BTBD9: variants seen among roughly 807,000 people sequenced by gnomAD.
BTBD9 encodes BTB/POZ domain-containing protein 9.
BTBD9 carries 49 observed loss-of-function variants against 64.3 expected under a neutral mutation model. The observed-to-expected ratio is 0.76, with a 90% CI of 0.61 to 0.97. The LOEUF (loss-of-function observed/expected upper bound fraction) is 0.97. Ranked by LOEUF, BTBD9 falls within the 50% of genes least tolerant of loss-of-function variation. BTBD9 has a pLI of 0.00. For synonymous variants in BTBD9, 260 were observed against 274.7 expected, an observed-to-expected ratio of 0.95 and a Z score of 0.53; for missense variants, 598 against 762.1, an observed-to-expected ratio of 0.78 and a Z score of 2.53.
chr6:38,594,060 G>C lies in BTBD9; in HGVS notation c.453C>G (p.Leu151=). Residue 151 remains leucine (L), a synonymous_variant, in exon 3 of 11, where the codon CTC becomes CTG. Coordinates refer to ENST00000481247, the MANE Select transcript of BTBD9 (RefSeq NM_001099272.2). ...TACAAGTTAACTTGGGAAGTGAGTA[G>C]AGACTGGCAACATCAAAAGTCATGC... ...NVCMTFDVAS[L]YSLPKLTCMC... 2 of 1,614,134 alleles carry C rather than the reference G, an allele frequency of 1.2e-6. No homozygotes were observed. The highest frequency in any genetic ancestry group is 1.7e-6 in the Non-Finnish European group (2 of 1,180,018).
intron 6 of BTBD9, among the ~76,000 whole-genome samples, chr6:38,438,926 G>A (rs1172398068): frequency 6.6e-6 from 1 of 152,092 alleles, no homozygotes. Context: ...GAAGATATCT[G>A]AAGAAAAAAG....
chr6:38,384,205 C>A (rs9394494), intron 6 of BTBD9, among the ~76,000 whole-genome samples: 1 of 151,772 alleles, frequency 6.6e-6, no homozygotes, highest in Non-Finnish European at 1.5e-5. Flanking sequence ...ATTCTTTCTG[C>A]GAAGTATCTT....
chr6:38,345,373 C>T (rs1288130114), intron 6 of BTBD9, among the ~76,000 whole-genome samples: 1 of 152,240 alleles, frequency 6.6e-6, no homozygotes, highest in Non-Finnish European at 1.5e-5. Context: ...CTGTTCAGTT[C>T]AACCCTTGAA....
chr6:38,533,098 G>T (rs929911456), intron 6 of BTBD9, among the ~76,000 whole-genome samples: 1 of 151,510 alleles, frequency 6.6e-6, no homozygotes, highest in Non-Finnish European at 1.5e-5. Context: ...GACAAAGAAT[G>T]GTTGAATGGA....
At chr6:38,176,134 G>A (rs1761233918) in intron 10 of BTBD9, among the ~76,000 whole-genome samples, 1 of 152,190 alleles carries the variant, frequency 6.6e-6, no homozygotes, top group African/African-American at 2.4e-5. Flanking sequence ...GTCCTGACAT[G>A]CATGTGTGAG....
intron 6 of BTBD9, among the ~76,000 whole-genome samples, chr6:38,527,959 AAG>A (rs1235622508): frequency 6.6e-6 from 1 of 152,104 alleles, no homozygotes; most frequent in Non-Finnish European, 1.5e-5. Context: ...CATAAGAATG[AAG>A]AGTCAGGTAA....
intron 6 of BTBD9, among the ~76,000 whole-genome samples, chr6:38,360,131 T>C (rs1450355445): frequency 6.6e-6 from 1 of 152,176 alleles, no homozygotes; most frequent in Non-Finnish European, 1.5e-5. Flanking sequence ...AAGTGTGAAA[T>C]ACTAATTTGG....
intron 9 of BTBD9, among the ~76,000 whole-genome samples, chr6:38,209,812 G>A (rs754718944): frequency 6.6e-6 from 1 of 152,204 alleles, no homozygotes; most frequent in Non-Finnish European, 1.5e-5. Flanking sequence ...ATCTAGGTAG[G>A]TGAGCATTTG....
At chr6:38,266,214 T>A (rs1244690621) in intron 8 of BTBD9, among the ~76,000 whole-genome samples, 4 of 152,254 alleles carry the variant, frequency 2.6e-5, no homozygotes, top group Non-Finnish European at 5.9e-5. Flanking sequence ...CTCTTTTTTT[T>A]CTTTTAACAA....
chr6:38,495,126 TATA>T (rs1257231941), intron 6 of BTBD9, among the ~76,000 whole-genome samples: 1 of 152,228 alleles, frequency 6.6e-6, no homozygotes, highest in South Asian at 2.1e-4. Context: ...AGCAACTCTA[TATA>T]ATGTCAAGAA....
chr6:38,380,759 C>G (rs1218660062), intron 6 of BTBD9, among the ~76,000 whole-genome samples: 1 of 152,070 alleles, frequency 6.6e-6, no homozygotes, highest in East Asian at 1.9e-4. Flanking sequence ...GTGGGAGGAT[C>G]CCTTGAGCAT....
At chr6:38,380,091 C>T (rs1765868992) in intron 6 of BTBD9, among the ~76,000 whole-genome samples, 1 of 151,930 alleles carries the variant, frequency 6.6e-6, no homozygotes, top group Admixed American at 6.6e-5. Context: ...ACTATATGCT[C>T]TTTAGTACTA....
At chr6:38,175,263 T>G in intron 10 of BTBD9, 81 bp from the exon 11 acceptor site, 1 of 1,457,504 alleles carries the variant, frequency 6.9e-7, no homozygotes, top group Non-Finnish European at 9.5e-7. Context: ...GATACTGCCC[T>G]GCCCAGCTTT....
chr6:38,545,731 A>T lies in BTBD9; in HGVS notation c.1154+31869T>A, dbSNP rs978549494. Among the ~76,000 whole-genome samples the T allele has an allele frequency of 5.4e-5, 8 of 148,698 alleles. No individual in the cohort carries two copies. The East Asian group carries it at 1.2e-3, about 22-fold the overall frequency. On this transcript the variant is annotated intron_variant, in intron 6 of 10. Coordinates refer to ENST00000481247, the MANE Select transcript of BTBD9 (RefSeq NM_001099272.2). ...GAGGCAGAGCTTGCAGTGAGCCGAG[A>T]TCGAGCCACTGCACTCCAGCCTGGG...
chr6:38,232,293 C>T (rs368937056), intron 9 of BTBD9, among the ~76,000 whole-genome samples: 10 of 149,868 alleles, frequency 6.7e-5, no homozygotes, highest in African/African-American at 9.8e-5. Context: ...TTTTTTTAGA[C>T]GGAGTCTCGC....
intron 6 of BTBD9, among the ~76,000 whole-genome samples, chr6:38,400,400 C>A (rs1307030638): frequency 6.6e-6 from 1 of 152,188 alleles, no homozygotes. Flanking sequence ...CTCCTTTGCT[C>A]TACTGAAACT....
intron 7 of BTBD9, among the ~76,000 whole-genome samples, chr6:38,324,638 T>C (rs1261463849): frequency 6.6e-6 from 1 of 152,180 alleles, no homozygotes; most frequent in Non-Finnish European, 1.5e-5. Flanking sequence ...ACAGCAGTGA[T>C]ATACTACTTT....
At chr6:38,621,288 A>C (rs1373246056) in intron 1 of BTBD9, among the ~76,000 whole-genome samples, 1 of 152,188 alleles carries the variant, frequency 6.6e-6, no homozygotes, top group East Asian at 1.9e-4. Context: ...TGCTTCAAAT[A>C]CGCACATGTG....
chr6:38,206,861 C>G (rs1233265018), intron 9 of BTBD9, among the ~76,000 whole-genome samples: 2 of 151,902 alleles, frequency 1.3e-5, no homozygotes, highest in Admixed American at 1.3e-4. Context: ...AAAAAGAAGT[C>G]TAAAAGAGAT....
Sources: allele counts gnomAD v4.1 joint callset (sites outside exome capture counted in the v4.1 genomes callset), GRCh38; gene constraint gnomAD v4.1.1; transcripts MANE v1.5; gene names NCBI Gene and HGNC (gene_info 2026-07-23, HGNC 2026-07-21).